Variants in MYT1L observed in about 807,000 individuals in gnomAD.
The protein encoded by MYT1L is myelin transcription factor 1 like, also known as myelin transcription factor 1-like protein.
In MYT1L, 12 loss-of-function variants were observed where a neutral mutation model predicts 126.7. That is an observed-to-expected ratio of 0.09 (90% CI 0.06 to 0.15). The LOEUF (loss-of-function observed/expected upper bound fraction) is 0.15. MYT1L is among the 10% of genes least tolerant of loss of function. The pLI, the probability that MYT1L is intolerant of heterozygous loss-of-function variation, is 1.00. For synonymous variants in MYT1L, 541 were observed against 604.2 expected (o/e 0.90, Z 1.53); for missense variants, 979 against 1,585.2 (o/e 0.62, Z 6.49).
intron 21 of MYT1L, chr2:1,824,836 G>A (rs1480253702): frequency 1.3e-5 from 2 of 152,246 alleles, no homozygotes; most frequent in African/African-American, 4.8e-5. Flanking sequence ...GTGCTTCAAG[G>A]AACAGCTGTT....
chr2:1,836,740 C>A lies in MYT1L; in HGVS notation c.3080+2409G>T, dbSNP rs181269295. ...CCCAAAATTCCATCAGCCTGCATCC[C>A]AAAATTCCATCAGCCTGTACCCCAA... is the stretch of plus-strand genomic sequence containing the variant. On this transcript the variant is annotated intron_variant, in intron 21 of 24. Coordinates refer to ENST00000647738, the MANE Select transcript of MYT1L (RefSeq NM_001303052.2). Among the ~76,000 whole-genome samples the A allele has an allele frequency of 8.6e-4, 130 of 151,938 alleles. 1 individual carries two copies. The highest frequency in any genetic ancestry group is 3.0e-3 in the African/African-American group (125 of 41,388).
chr2:1,964,432 AG>A (rs1409252417), intron 8 of MYT1L, among the ~76,000 whole-genome samples: 1 of 152,196 alleles, frequency 6.6e-6, no homozygotes, highest in Non-Finnish European at 1.5e-5. Flanking sequence ...TTGTATGGTC[AG>A]GGTTGCCACA....
intron 2 of MYT1L, among the ~76,000 whole-genome samples, chr2:2,242,014 G>A (rs1416685370): frequency 6.6e-6 from 1 of 151,926 alleles, no homozygotes; most frequent in Non-Finnish European, 1.5e-5. Flanking sequence ...ACATTGATAG[G>A]TTGATTGAAG....
At chr2:2,029,814 T>G (rs1163629702) in intron 4 of MYT1L, among the ~76,000 whole-genome samples, 1 of 152,236 alleles carries the variant, frequency 6.6e-6, no homozygotes, top group Non-Finnish European at 1.5e-5. Flanking sequence ...TTATCATTGT[T>G]TGCATATCAT....
chr2:2,097,559 G>T (rs1222411197), intron 3 of MYT1L, among the ~76,000 whole-genome samples: 3 of 152,170 alleles, frequency 2.0e-5, no homozygotes, highest in African/African-American at 7.2e-5. Flanking sequence ...CTGTGGAGTT[G>T]ACAGAGGGTT....
rs754015972 is a variant in MYT1L, at chr2:1,922,409, T to A, written c.1360A>T (p.Met454Leu). 6.2e-6 allele frequency: 10 copies of A among 1,614,044 alleles called. No homozygotes were observed. The highest frequency in any genetic ancestry group is 4.2e-6 in the Non-Finnish European group (5 of 1,179,906). Reference protein sequence around the residue: ...RAKAMREKMAMEAGRRDNMRS... With the variant: ...RAKAMREKMALEAGRRDNMRS... ...ATATTGTCCCTCCTCCCAGCTTCCATGGCCATCTTCTCCCTCATGGCCTTT... is the reference window on the plus strand; with the variant it reads ...ATATTGTCCCTCCTCCCAGCTTCCAAGGCCATCTTCTCCCTCATGGCCTTT... The change falls in exon 10 of 25, where the codon ATG becomes TTG. Residue 454 changes from methionine (M) to leucine (L), a missense_variant. Met to Leu is a conservative substitution (Grantham distance 15). Coordinates refer to ENST00000647738, the MANE Select transcript of MYT1L (RefSeq NM_001303052.2). This position sits in a 1 kb window ranked among gnomAD's most constrained non-coding sequence, Gnocchi z 7.4.
intron 4 of MYT1L, among the ~76,000 whole-genome samples, chr2:2,046,793 AC>A (rs2068241228): frequency 6.6e-6 from 1 of 152,134 alleles, no homozygotes; most frequent in Non-Finnish European, 1.5e-5. Flanking sequence ...CAGAGGATAC[AC>A]CCTTTCTGAG....
At chr2:2,163,721 G>A (rs536697783) in intron 3 of MYT1L, among the ~76,000 whole-genome samples, 3 of 149,706 alleles carry the variant, frequency 2.0e-5, no homozygotes, top group Non-Finnish European at 4.4e-5. Context: ...CTGGGTGAAA[G>A]AGTGAGACTC....
chr2:1,908,326 A>G (rs570710660), intron 13 of MYT1L, among the ~76,000 whole-genome samples: 2 of 151,928 alleles, frequency 1.3e-5, no homozygotes, highest in African/African-American at 4.8e-5. Context: ...TGAAATCCCC[A>G]CTCTGTGCTG....
chr2:2,112,862 G>A (rs1182958806), intron 3 of MYT1L, among the ~76,000 whole-genome samples: 1 of 152,204 alleles, frequency 6.6e-6, no homozygotes, highest in South Asian at 2.1e-4. Context: ...AGCCTCCCGC[G>A]AGTCGCACAG....
rs1347394242 is a variant in MYT1L, at chr2:1,887,112, A to G, written c.2642+376T>C. ...CATGACCACTCCCATCACACCCTGG[A>G]GTTGGACATCTGCCACCAAACAAAA... On this transcript the variant is annotated intron_variant, in intron 17 of 24. Coordinates refer to ENST00000647738, the MANE Select transcript of MYT1L (RefSeq NM_001303052.2). The surrounding 1 kb of genome is among the most constrained non-coding windows in gnomAD (Gnocchi z 4.8). 1 of 417,592 alleles carries G rather than the reference A, an allele frequency of 2.4e-6. No homozygotes were observed. Among genetic ancestry groups the G allele is most frequent in the Non-Finnish European group, 4.2e-6 (1 of 237,858 alleles). The allele number at this position is 417,592 out of a possible 1,614,324, so 25.9% of individuals were successfully genotyped here. A position where few individuals can be genotyped will look rare whatever the true frequency, so the allele number is the denominator to read the frequency against.
At chr2:2,244,707 A>G (rs2094500215) in intron 2 of MYT1L, among the ~76,000 whole-genome samples, 1 of 152,208 alleles carries the variant, frequency 6.6e-6, no homozygotes, top group Non-Finnish European at 1.5e-5. Context: ...ATGGTGGCAG[A>G]AACACAGACT....
chr2:2,015,894 G>A (rs1558746405), intron 4 of MYT1L, among the ~76,000 whole-genome samples: 1 of 152,154 alleles, frequency 6.6e-6, no homozygotes, highest in Non-Finnish European at 1.5e-5. Flanking sequence ...TTCCAACTGG[G>A]GTCCCTCCAG....
At chr2:1,824,593 G>A (rs577551779) in intron 21 of MYT1L, 1 of 152,358 alleles carries the variant, frequency 6.6e-6, no homozygotes, top group East Asian at 1.9e-4. Context: ...CCATGCGAGG[G>A]TGGCGCCGGG....
At chr2:2,003,943 G>GTTCTTTCCTGCAGGCA (rs2062691588) in intron 4 of MYT1L, among the ~76,000 whole-genome samples, 1 of 150,738 alleles carries the variant, frequency 6.6e-6, no homozygotes, top group African/African-American at 2.5e-5. Flanking sequence ...TCCTGCATGA[G>GTTCTTTCCTGCAGGCA]TTCTTTCCTG....
chr2:1,835,691 C>G (rs977823829), intron 21 of MYT1L, among the ~76,000 whole-genome samples: 1 of 152,192 alleles, frequency 6.6e-6, no homozygotes, highest in Non-Finnish European at 1.5e-5. Flanking sequence ...GGCTGCTGGT[C>G]ACCGGGCAAA....
At chr2:2,171,818 G>A (rs1197177227) in intron 3 of MYT1L, among the ~76,000 whole-genome samples, 1 of 152,184 alleles carries the variant, frequency 6.6e-6, no homozygotes, top group Non-Finnish European at 1.5e-5. Flanking sequence ...CCACAAGCTT[G>A]CAGCATATGG....
chr2:2,145,674 C>T (rs1461457922), intron 3 of MYT1L, among the ~76,000 whole-genome samples: 1 of 151,814 alleles, frequency 6.6e-6, no homozygotes, highest in Admixed American at 6.6e-5. Flanking sequence ...CACAAAGACA[C>T]ATATACACAC....
chr2:1,886,844 T>TA, intron 17 of MYT1L, among the ~76,000 whole-genome samples: 1 of 152,228 alleles, frequency 6.6e-6, no homozygotes. Context: ...CTCTTTGGCT[T>TA]AAATGCTTAA....
Sources: gnomAD v4.1 joint callset for allele counts (sites outside exome capture counted in the v4.1 genomes callset) on GRCh38, gnomAD v4.1.1 for gene constraint, Gnocchi (gnomAD v3.1) non-coding constraint, MANE v1.5 for transcripts, NCBI Gene and HGNC (gene_info 2026-07-23, HGNC 2026-07-21) for gene names.